The following BATF2 variants were observed in gnomAD, a reference collection of about 807,000 sequenced individuals.
BATF2 encodes basic leucine zipper transcriptional factor ATF-like 2.
BATF2 carries 4 observed loss-of-function variants against 7.3 expected under a neutral mutation model. The observed-to-expected ratio is 0.55, with a 90% confidence interval of 0.27 to 1.26. The LOEUF is 1.26. BATF2 is among the 50% of genes most tolerant of loss of function. The pLI, the probability that BATF2 is intolerant of heterozygous loss-of-function variation, is 0.11. For missense variants in BATF2, 295 were observed against 340.5 expected (o/e 0.87, Z 1.05); for synonymous variants, 152 against 153.9 (o/e 0.99, Z 0.09).
intron 1 of BATF2, among the ~76,000 whole-genome samples, chr11:64,994,991 G>T (rs2136881068): frequency 6.6e-6 from 1 of 152,246 alleles, no homozygotes; most frequent in Admixed American, 6.5e-5. Flanking sequence ...TGGGACTACA[G>T]GCACCTGCCA....
intron 2 of BATF2, chr11:64,990,341 T>C (rs1444708332): frequency 1.4e-6 from 2 of 1,460,362 alleles, no homozygotes; most frequent in African/African-American, 2.8e-5. Context: ...TTCCTCTGCC[T>C]GGACACCCTT....
intron 1 of BATF2, among the ~76,000 whole-genome samples, chr11:64,995,798 C>A (rs903050453): frequency 9.2e-5 from 14 of 152,220 alleles, no homozygotes; most frequent in African/African-American, 3.4e-4. Flanking sequence ...TCCATATGCT[C>A]CCTTGGGCCA....
At chr11:64,990,944 C>A (rs538775275) in intron 2 of BATF2, among the ~76,000 whole-genome samples, 1 of 151,756 alleles carries the variant, frequency 6.6e-6, no homozygotes, top group South Asian at 2.1e-4. Flanking sequence ...GCGCCCGCCA[C>A]CACGCCTGGC....
rs558573394 is a variant in BATF2, at chr11:64,990,573, G to A, written c.142-761C>T. 1.1e-3 allele frequency: 1,132 copies of A among 1,055,838 alleles called. 1 individual carries two copies. Among genetic ancestry groups the A allele is most frequent in the Non-Finnish European group, 1.2e-3 (1,081 of 871,150 alleles). The allele number at this position is 1,055,838 out of a possible 1,614,324, so 65.4% of individuals were successfully genotyped here. A position where few individuals can be genotyped will look rare whatever the true frequency, so the allele number is the denominator to read the frequency against. On this transcript the variant is annotated intron_variant, in intron 2 of 2. Coordinates refer to ENST00000301887, the MANE Select transcript of BATF2 (RefSeq NM_138456.4). ...TTTATTAAGTTCTGTTCTGCTGAAC[G>A]CCGGTTCTGAGAACCCCTGAGACAC...
At chr11:64,995,996 C>T (rs569564252) in intron 1 of BATF2, among the ~76,000 whole-genome samples, 31 of 152,216 alleles carry the variant, frequency 2.0e-4, no homozygotes, top group African/African-American at 7.2e-4. Flanking sequence ...GAGTCTCTGT[C>T]GCCCAGGCTG....
intron 2 of BATF2, among the ~76,000 whole-genome samples, chr11:64,992,665 A>G (rs1946085815): frequency 6.6e-6 from 1 of 151,794 alleles, no homozygotes. Flanking sequence ...GTTCAAGACC[A>G]GCCTGGGCTA....
At chr11:64,991,123 C>A (rs1246199903) in intron 2 of BATF2, among the ~76,000 whole-genome samples, 1 of 149,716 alleles carries the variant, frequency 6.7e-6, no homozygotes, top group Non-Finnish European at 1.5e-5. Flanking sequence ...AGCCCCATTG[C>A]CACGCTGGTT....
chr11:64,992,606 A>G (rs374240498), intron 2 of BATF2, among the ~76,000 whole-genome samples: 2 of 151,974 alleles, frequency 1.3e-5, no homozygotes, highest in South Asian at 2.1e-4. Context: ...CAAGCCTGTA[A>G]TCCCAGCACT....
At position 64,988,723 on chromosome 11, in the gene BATF2, A is replaced by T; in HGVS notation, c.*406T>A. The T allele has an allele frequency of 4.1e-6, 1 of 244,628 alleles. No homozygotes were observed. The highest frequency in any genetic ancestry group is 4.7e-5 in the South Asian group (1 of 21,122). 15.2% of individuals were successfully genotyped at this position (244,628 alleles called of 1,614,324 possible). On this transcript the variant is annotated 3_prime_UTR_variant, in exon 3 of 3. Coordinates refer to ENST00000301887, the MANE Select transcript of BATF2 (RefSeq NM_138456.4). ...GGGAGAGCCCTTCTCTGCTCTGAGC[A>T]TGCAAACCTTCTCACACCAGCCCAC...
chr11:64,995,155 C>T (rs1946101783), intron 1 of BATF2, among the ~76,000 whole-genome samples: 1 of 152,180 alleles, frequency 6.6e-6, no homozygotes, highest in African/African-American at 2.4e-5. Flanking sequence ...CCACCGTGCC[C>T]AGCCGAGCCC....
intron 1 of BATF2, among the ~76,000 whole-genome samples, chr11:64,995,757 C>G (rs531427983): frequency 3.9e-5 from 6 of 152,260 alleles, no homozygotes; most frequent in African/African-American, 1.4e-4. Flanking sequence ...GCCGCCCTGG[C>G]TGCAGATTCT....
chr11:64,991,086 G>A (rs905854684), intron 2 of BATF2, among the ~76,000 whole-genome samples: 4 of 151,626 alleles, frequency 2.6e-5, no homozygotes, highest in Admixed American at 1.3e-4. Context: ...CACCGCGCCC[G>A]GCCCTGGACT....
At position 64,994,445 on chromosome 11, in the gene BATF2, C is replaced by T. The variant is rs1020923278; in HGVS notation, c.141+3G>A. 3 of 1,573,300 alleles carry T rather than the reference C, an allele frequency of 1.9e-6. No homozygotes were observed. Among genetic ancestry groups the T allele is most frequent in the Middle Eastern group, 1.7e-4 (1 of 6,036 alleles). On this transcript the variant is annotated splice_donor_region_variant and intron_variant, in intron 2 of 2. Transcript: ENST00000301887. The stretch of plus-strand genomic sequence containing the variant: ...AAGGAAAGGGGTTAGGGGTTGTCCA[C>T]ACCTGGTGCAGGGCGTCTGCCTTGT...
In BATF2 at chr11:64,994,027, G is replaced by A. The variant is rs1946094112; in HGVS notation, c.141+421C>T. Among the ~76,000 whole-genome samples the A allele has an allele frequency of 2.6e-5, 4 of 151,976 alleles. No homozygotes were observed. The South Asian group carries it at 8.3e-4, about 32-fold the overall frequency. ...TGCCCAGGCTGGTCTTGAACTCCTG[G>A]GCTCAAACAATCCTCCAGCCTCAGC... On this transcript the variant is annotated intron_variant, in intron 2 of 2. Coordinates refer to ENST00000301887, the MANE Select transcript of BATF2 (RefSeq NM_138456.4).
In BATF2 at chr11:64,994,477, G is replaced by C. The variant is rs774871119; in HGVS notation, c.112C>G (p.His38Asp). The change falls in exon 2 of 3, where the codon CAC (histidine) becomes GAC (aspartate). Residue 38 changes from histidine to aspartate, a missense_variant. Transcript: ENST00000301887. The part of the protein sequence containing the change: ...RAAAQRSRQK[H>D]TDKADALHQQ... ...TGCAGGGCGTCTGCCTTGTCTGTGTGCTTCTGCCGGCTTCGCTGGGCGGCT... is the reference window on the plus strand; with the variant it reads ...TGCAGGGCGTCTGCCTTGTCTGTGTCCTTCTGCCGGCTTCGCTGGGCGGCT... The C allele has an allele frequency of 6.3e-7, 1 of 1,597,536 alleles. No individual in the cohort carries two copies. The highest frequency in any genetic ancestry group is 1.1e-5 in the South Asian group (1 of 88,386).
At chr11:64,995,303 C>A (rs1245168959) in intron 1 of BATF2, among the ~76,000 whole-genome samples, 1 of 152,228 alleles carries the variant, frequency 6.6e-6, no homozygotes, top group Non-Finnish European at 1.5e-5. Flanking sequence ...GATTTCCACA[C>A]CAAGGTGTGA....
chr11:64,995,182 A>G (rs188790915), intron 1 of BATF2, among the ~76,000 whole-genome samples: 9 of 152,202 alleles, frequency 5.9e-5, no homozygotes, highest in Admixed American at 3.9e-4. Context: ...CTTGAACCCA[A>G]TCGCCCCATC....
Position 64,989,560 on chromosome 11 carries a change from G to A in BATF2, c.394C>T (p.Pro132Ser), listed in dbSNP as rs763383203. 3.1e-6 allele frequency: 5 copies of A among 1,589,042 alleles called. No homozygotes were observed. The South Asian group carries it at 5.6e-5, about 18-fold the overall frequency. The change falls in exon 3 of 3, where the codon CCA becomes TCA. Residue 132 changes from proline to serine, a missense_variant. Coordinates refer to ENST00000301887, the MANE Select transcript of BATF2 (RefSeq NM_138456.4). This position sits in a 1 kb window ranked among gnomAD's most constrained non-coding sequence, Gnocchi z 4.3. ...GGACCTGGAGAGAGCGGCTGAGCTG[G>A]GTAACAGGAACCCGGGGTCTGGAAC... Reference protein sequence around the residue: ...ELFQTPGSCYPAQPLSPGPQP... With the variant: ...ELFQTPGSCYSAQPLSPGPQP...
At chr11:64,991,283 A>T (rs1052070395) in intron 2 of BATF2, among the ~76,000 whole-genome samples, 13 of 150,556 alleles carry the variant, frequency 8.6e-5, no homozygotes, top group African/African-American at 3.2e-4. Context: ...CAGCCTCCCG[A>T]GTAGCTGGGA....
Sources: gnomAD v4.1 joint callset for allele counts (sites outside exome capture counted in the v4.1 genomes callset) on GRCh38, gnomAD v4.1.1 for gene constraint, Gnocchi (gnomAD v3.1) non-coding constraint, MANE v1.5 for transcripts, NCBI Gene and HGNC (gene_info 2026-07-23, HGNC 2026-07-21) for gene names.